SUGCT: variants seen among roughly 807,000 people sequenced by gnomAD.
SUGCT encodes the protein succinyl-CoA:glutarate-CoA transferase, also known as succinyl-CoA:glutarate CoA-transferase.
Under a neutral mutation model 55.0 loss-of-function variants are expected in SUGCT, and 41 were observed. The ratio of observed to expected loss-of-function variants is 0.74; its 90% confidence interval spans 0.58 to 0.97. The LOEUF (loss-of-function observed/expected upper bound fraction) is 0.97. SUGCT is among the 50% of genes least tolerant of loss of function. The pLI, the probability that SUGCT is intolerant of heterozygous loss-of-function variation, is 0.00. For missense variants in SUGCT, 568 were observed against 547.8 expected, an observed-to-expected ratio of 1.04 and a Z score of -0.37; for synonymous variants, 187 against 200.4, an observed-to-expected ratio of 0.93 and a Z score of 0.56.
At chr7:41,009,223 A>AG in the SUGCT span, among the ~76,000 whole-genome samples, 5 of 151,982 alleles carry the variant, frequency 3.3e-5, no homozygotes, top group South Asian at 1.0e-3. Context: ...AAAAAAAAAA[A>AG]AAAGCAACTT....
At chr7:40,539,881 T>C (rs531805639) in intron 12 of SUGCT, among the ~76,000 whole-genome samples, 1 of 152,364 alleles carries the variant, frequency 6.6e-6, no homozygotes, top group East Asian at 1.9e-4. Flanking sequence ...ATATTTAACA[T>C]GTTTCTGCTA....
chr7:40,492,629 CT>C (rs1791749134), intron 11 of SUGCT, among the ~76,000 whole-genome samples: 3 of 152,288 alleles, frequency 2.0e-5, no homozygotes, highest in African/African-American at 7.2e-5. Context: ...CAAGTTAGAT[CT>C]TTGTATATAT....
chr7:40,219,035 T>C (rs1787859761), intron 6 of SUGCT, among the ~76,000 whole-genome samples: 1 of 152,222 alleles, frequency 6.6e-6, no homozygotes, highest in African/African-American at 2.4e-5. Context: ...CTTTATGAGC[T>C]GTAACACTCA....
chr7:40,226,734 T>G (rs982818394), intron 6 of SUGCT, among the ~76,000 whole-genome samples: 14 of 151,940 alleles, frequency 9.2e-5, no homozygotes, highest in African/African-American at 3.4e-4. Context: ...AAAGTAAGAA[T>G]TTTTGCCCCA....
the SUGCT span, among the ~76,000 whole-genome samples, chr7:40,900,788 T>G: frequency 6.6e-6 from 1 of 152,226 alleles, no homozygotes; most frequent in Admixed American, 6.5e-5. Flanking sequence ...TGGGCTGCAG[T>G]GAAAGGGAAA....
At position 40,860,309 on chromosome 7, in the gene SUGCT, T is replaced by C; in HGVS notation, c.1154-7T>C. ...ACAGGCTTCCTGCTTTCCTTCTCCTTTGGCAGGCCCAGCTGTGAGATACAG... is the reference window on the plus strand; with the variant it reads ...ACAGGCTTCCTGCTTTCCTTCTCCTCTGGCAGGCCCAGCTGTGAGATACAG... On this transcript the variant is annotated splice_polypyrimidine_tract_variant and splice_region_variant and intron_variant, in intron 13 of 13. Coordinates refer to ENST00000335693, the MANE Select transcript of SUGCT (RefSeq NM_001193313.2). 2 of 1,613,916 alleles carry C rather than the reference T, an allele frequency of 1.2e-6. No individual in the cohort carries two copies. Among genetic ancestry groups the C allele is most frequent in the African/African-American group, 2.7e-5 (2 of 75,046 alleles).
chr7:40,883,013 T>C, the SUGCT span, among the ~76,000 whole-genome samples: 1 of 152,200 alleles, frequency 6.6e-6, no homozygotes, highest in Non-Finnish European at 1.5e-5. Context: ...AGGACTCTTT[T>C]GCTGCCTTAG....
intron 7 of SUGCT, among the ~76,000 whole-genome samples, chr7:40,259,262 T>C (rs936792160): frequency 6.6e-6 from 1 of 152,220 alleles, no homozygotes; most frequent in Non-Finnish European, 1.5e-5. Context: ...ATATACTTAA[T>C]GTACAGTTGA....
intron 12 of SUGCT, among the ~76,000 whole-genome samples, chr7:40,608,625 G>A (rs1798630020): frequency 6.6e-6 from 1 of 152,162 alleles, no homozygotes; most frequent in African/African-American, 2.4e-5. Flanking sequence ...TCTAGCTCTA[G>A]GGAATGCAGC....
At chr7:40,744,210 G>A (rs995938677) in intron 12 of SUGCT, among the ~76,000 whole-genome samples, 7 of 151,926 alleles carry the variant, frequency 4.6e-5, no homozygotes, top group Non-Finnish European at 1.0e-4. Context: ...TTACAGATGT[G>A]GGCCACCACG....
intron 1 of SUGCT, among the ~76,000 whole-genome samples, chr7:40,152,023 G>A (rs1584192526): frequency 1.3e-5 from 2 of 152,148 alleles, no homozygotes; most frequent in East Asian, 3.9e-4. Context: ...GGTCTGGGTG[G>A]CACCAGCTGG....
intron 12 of SUGCT, among the ~76,000 whole-genome samples, chr7:40,632,539 T>C (rs1405723694): frequency 6.8e-6 from 1 of 147,974 alleles, no homozygotes; most frequent in East Asian, 2.0e-4. Flanking sequence ...TAGATAGACA[T>C]GAAAAAGGAA....
chr7:40,159,908 T>A (rs1784066003), intron 1 of SUGCT, among the ~76,000 whole-genome samples: 1 of 152,010 alleles, frequency 6.6e-6, no homozygotes, highest in South Asian at 2.1e-4. Context: ...AGGTTCTGAG[T>A]CTCTAATGGG....
At chr7:40,603,953 A>G (rs1309187771) in intron 12 of SUGCT, among the ~76,000 whole-genome samples, 4 of 152,074 alleles carry the variant, frequency 2.6e-5, no homozygotes, top group Non-Finnish European at 5.9e-5. Context: ...CGCTATTTAC[A>G]GTGAGTTACA....
intron 9 of SUGCT, among the ~76,000 whole-genome samples, chr7:40,428,276 T>C (rs536586550): frequency 1.1e-3 from 167 of 152,354 alleles, no homozygotes; most frequent in African/African-American, 3.8e-3. Flanking sequence ...AAATTTAAAA[T>C]GAATCTGTTG....
intron 12 of SUGCT, among the ~76,000 whole-genome samples, chr7:40,621,961 G>A (rs1799285574): frequency 6.6e-6 from 1 of 152,154 alleles, no homozygotes; most frequent in African/African-American, 2.4e-5. Flanking sequence ...TTTGAGGCAA[G>A]CCCGTGGAAG....
At chr7:40,537,439 C>T (rs887546584) in intron 12 of SUGCT, among the ~76,000 whole-genome samples, 6 of 152,138 alleles carry the variant, frequency 3.9e-5, no homozygotes, top group African/African-American at 1.2e-4. Context: ...AAAATAGCCA[C>T]TAATTACTTG....
At chr7:40,377,244 T>TTA (rs1784647414) in intron 9 of SUGCT, among the ~76,000 whole-genome samples, 1 of 17,908 alleles carries the variant, frequency 5.6e-5, no homozygotes. Flanking sequence ...CCTTCCTTCC[T>TTA]TCCTTCTTTC....
chr7:40,863,767 C>G (rs552455970), downstream of SUGCT, among the ~76,000 whole-genome samples: 1 of 152,146 alleles, frequency 6.6e-6, no homozygotes, highest in Non-Finnish European at 1.5e-5. Flanking sequence ...TGATGGAATT[C>G]TTGAGGTACA....
Sources: allele counts gnomAD v4.1 joint callset (sites outside exome capture counted in the v4.1 genomes callset), GRCh38; gene constraint gnomAD v4.1.1; transcripts MANE v1.5; gene names NCBI Gene and HGNC (gene_info 2026-07-23, HGNC 2026-07-21).